The following PTPRK variants were observed in gnomAD, a reference collection of about 807,000 sequenced individuals.
PTPRK encodes the protein receptor-type tyrosine-protein phosphatase kappa.
Under a neutral mutation model 178.0 loss-of-function variants are expected in PTPRK, and 75 were observed. The ratio of observed to expected loss-of-function variants is 0.42; its 90% confidence interval spans 0.35 to 0.51. PTPRK has a LOEUF of 0.51. Ranked by LOEUF, PTPRK falls within the 20% of genes least tolerant of loss-of-function variation. PTPRK has a pLI of 0.02. For synonymous variants in PTPRK, 637 were observed against 620.6 expected (o/e 1.03, Z -0.39); for missense variants, 1,441 against 1,797.8 (o/e 0.80, Z 3.59).
At chr6:128,276,369 T>C (rs1419164370) in intron 3 of PTPRK, among the ~76,000 whole-genome samples, 7 of 152,156 alleles carry the variant, frequency 4.6e-5, no homozygotes, top group Admixed American at 4.6e-4. Context: ...TGTTTTGTAT[T>C]TGTTTATTTA....
intron 6 of PTPRK, among the ~76,000 whole-genome samples, chr6:128,185,489 G>A (rs565293663): frequency 9.2e-5 from 14 of 151,970 alleles, no homozygotes; most frequent in Non-Finnish European, 1.3e-4. Flanking sequence ...CAATGTGACT[G>A]AAATGAGACA....
At chr6:128,348,518 T>G (rs1051469973) in intron 2 of PTPRK, among the ~76,000 whole-genome samples, 12 of 143,314 alleles carry the variant, frequency 8.4e-5, no homozygotes, top group Non-Finnish European at 1.7e-4. Flanking sequence ...TGTATTTTAT[T>G]CATGGTGAAT....
intron 1 of PTPRK, among the ~76,000 whole-genome samples, chr6:128,436,912 T>C (rs543428187): frequency 1.0e-3 from 156 of 152,144 alleles, no homozygotes; most frequent in Non-Finnish European, 1.9e-3. Context: ...GGCCCAGAGA[T>C]CTGCTGTACA....
At chr6:128,452,795 A>G (rs1389006751) in intron 1 of PTPRK, among the ~76,000 whole-genome samples, 2 of 152,174 alleles carry the variant, frequency 1.3e-5, no homozygotes, top group Admixed American at 6.6e-5. Context: ...TGTTATTGCT[A>G]TATAGGTTTC....
At chr6:128,487,076 T>C (rs1451184257) in intron 1 of PTPRK, among the ~76,000 whole-genome samples, 2 of 149,140 alleles carry the variant, frequency 1.3e-5, no homozygotes, top group Admixed American at 6.8e-5. Flanking sequence ...AATGTTAACA[T>C]GGCAGAGTAC....
intron 7 of PTPRK, among the ~76,000 whole-genome samples, chr6:128,156,777 A>G (rs1344646588): frequency 2.0e-5 from 3 of 151,954 alleles, no homozygotes; most frequent in African/African-American, 7.2e-5. Flanking sequence ...AAGTTTTGGG[A>G]TCCACTTCTA....
At chr6:128,321,733 AACC>A in intron 3 of PTPRK, 1 of 683,484 alleles carries the variant, frequency 1.5e-6, no homozygotes, top group Non-Finnish European at 2.6e-6. Flanking sequence ...CTCTTTGTCA[AACC>A]ACCAACAAAT....
At chr6:128,248,131 T>TACCA (rs1206290101) in intron 3 of PTPRK, among the ~76,000 whole-genome samples, 1 of 152,182 alleles carries the variant, frequency 6.6e-6, no homozygotes, top group Non-Finnish European at 1.5e-5. Context: ...ACCCTATGAG[T>TACCA]ACCAGTAAAG....
intron 6 of PTPRK, among the ~76,000 whole-genome samples, chr6:128,213,818 A>C (rs1279706108): frequency 2.0e-5 from 3 of 152,132 alleles, no homozygotes; most frequent in Non-Finnish European, 4.4e-5. Flanking sequence ...AATACTGGTC[A>C]AATCAATATT....
Position 128,202,778 on chromosome 6 carries a change from A to G in PTPRK, c.868+16144T>C, listed in dbSNP as rs9375553. 0.029 allele frequency among the ~76,000 whole-genome samples: 4,366 copies of G among 152,294 alleles called. 303 individuals are homozygous for G. The East Asian group carries it at 0.31, about 11-fold the overall frequency. ...ACTAATAAATAGCCTACAAACCAAAATAAAGCCCAGGATCAGATGGATTGA... is the reference window on the plus strand; with the variant it reads ...ACTAATAAATAGCCTACAAACCAAAGTAAAGCCCAGGATCAGATGGATTGA... On this transcript the variant is annotated intron_variant, in intron 6 of 29. Transcript: ENST00000368226.
chr6:128,205,430 A>G (rs776140783), intron 6 of PTPRK, among the ~76,000 whole-genome samples: 8 of 152,080 alleles, frequency 5.3e-5, no homozygotes, highest in Non-Finnish European at 1.2e-4. Flanking sequence ...AAGTTGAAGA[A>G]AAACAAAAGG....
intron 13 of PTPRK, among the ~76,000 whole-genome samples, chr6:128,060,454 T>A (rs1252244051): frequency 1.3e-5 from 2 of 152,160 alleles, no homozygotes; most frequent in African/African-American, 4.8e-5. Context: ...AGACTTATTA[T>A]AAGAAGTAAT....
At position 128,142,501 on chromosome 6, in the gene PTPRK, A is replaced by ATG. The variant is rs752143362; in HGVS notation, c.1162+41929_1162+41930dup. On this transcript the variant is annotated intron_variant, in intron 7 of 29. Coordinates refer to ENST00000368226, the MANE Select transcript of PTPRK (RefSeq NM_002844.4). ...GGAAGTTAAGAAAACAAATTCTCCC[A>ATG]TGTGTGTGTGTGTGTGTAAAATATA... is the stretch of plus-strand genomic sequence containing the variant. 1.9e-3 allele frequency among the ~76,000 whole-genome samples: 246 copies of ATG among 129,474 alleles called. 1 individual carries two copies. Among genetic ancestry groups the ATG allele is most frequent in the Middle Eastern group, 4.3e-3 (1 of 232 alleles). 84.9% of individuals were successfully genotyped at this position (129,474 alleles called of 152,430 possible). A position where few individuals can be genotyped will look rare whatever the true frequency, so the allele number is the denominator to read the frequency against.
intron 7 of PTPRK, among the ~76,000 whole-genome samples, chr6:128,178,199 A>G (rs1801376576): frequency 6.6e-6 from 1 of 151,960 alleles, no homozygotes; most frequent in East Asian, 1.9e-4. Flanking sequence ...GGATTACTGA[A>G]GTATGTTATA....
At chr6:128,442,979 G>A (rs1846476554) in intron 1 of PTPRK, among the ~76,000 whole-genome samples, 1 of 151,986 alleles carries the variant, frequency 6.6e-6, no homozygotes, top group Non-Finnish European at 1.5e-5. Flanking sequence ...AAACATATGT[G>A]TACTTTCATC....
At chr6:128,095,816 G>A (rs1442659179) in intron 7 of PTPRK, among the ~76,000 whole-genome samples, 7 of 152,022 alleles carry the variant, frequency 4.6e-5, no homozygotes, top group East Asian at 3.8e-4. Context: ...TTTATTATAC[G>A]CTCTTATCTA....
intron 6 of PTPRK, among the ~76,000 whole-genome samples, chr6:128,212,052 T>A (rs1385774192): frequency 1.3e-5 from 2 of 152,172 alleles, no homozygotes; most frequent in South Asian, 4.1e-4. Context: ...AATGAAATAG[T>A]TGCTATTTCA....
At chr6:128,043,289 A>C (rs1182251947) in intron 13 of PTPRK, among the ~76,000 whole-genome samples, 2 of 152,056 alleles carry the variant, frequency 1.3e-5, no homozygotes, top group Non-Finnish European at 2.9e-5. Context: ...AGTGTGAAAT[A>C]AATGTGGTGC....
rs1389799295 is a variant in PTPRK at position 127,996,967 on chromosome 6, C to A, written c.2701G>T (p.Ala901Ser). 1.2e-6 allele frequency: 2 copies of A among 1,611,686 alleles called. No homozygotes were observed. Among genetic ancestry groups the A allele is most frequent in the Non-Finnish European group, 1.7e-6 (2 of 1,178,712 alleles). ...EYESFFEGQS[A>S]SWDVAKKDQN... is the part of the protein sequence containing the mutation. ...TCTTTTTTAGCTACATCCCAAGATG[C>A]TGACTGTCCTTCAAAAAAGCTCTGG... The change falls in exon 17 of 30, where the codon GCA becomes TCA. Residue 901 changes from alanine (A) to serine (S), a missense_variant. Physicochemically the swap from Ala to Ser is moderately conservative, Grantham distance 99 (BLOSUM62 1). Transcript: ENST00000368226.
Sources: gnomAD v4.1 joint callset for allele counts (sites outside exome capture counted in the v4.1 genomes callset) on GRCh38, gnomAD v4.1.1 for gene constraint, MANE v1.5 for transcripts, NCBI Gene and HGNC (gene_info 2026-07-23, HGNC 2026-07-21) for gene names.